PPP2R2B: variants seen among roughly 807,000 people sequenced by gnomAD.
PPP2R2B encodes protein phosphatase 2 regulatory subunit Bbeta.
Under a neutral mutation model 46.0 loss-of-function variants are expected in PPP2R2B, and 5 were observed. The observed-to-expected ratio is 0.11, with a 90% CI of 0.06 to 0.23. The LOEUF is 0.23. Among genes scored for constraint, PPP2R2B ranks in the 10% least tolerant of loss-of-function variants. The pLI is 1.00. For missense variants in PPP2R2B, 367 were observed against 575.0 expected, an observed-to-expected ratio of 0.64 and a Z score of 3.70; for synonymous variants, 215 against 206.7, an observed-to-expected ratio of 1.04 and a Z score of -0.34.
intron 1 of PPP2R2B, among the ~76,000 whole-genome samples, chr5:146,986,797 T>A (rs1018101814): frequency 6.6e-6 from 1 of 152,030 alleles, no homozygotes; most frequent in Admixed American, 6.5e-5. Flanking sequence ...AATGTAAGAG[T>A]CATTGCCCTT....
At chr5:146,655,753 G>A (rs1186209740) in intron 5 of PPP2R2B, among the ~76,000 whole-genome samples, 2 of 152,112 alleles carry the variant, frequency 1.3e-5, no homozygotes, top group East Asian at 1.9e-4. Context: ...CAGCGAGGGC[G>A]ATCACGCTGC....
chr5:146,607,958 T>A (rs1015895834), intron 7 of PPP2R2B: 3 of 152,236 alleles, frequency 2.0e-5, no homozygotes, highest in Admixed American at 2.0e-4. Flanking sequence ...ATATGGACAT[T>A]GAAATTTCAA....
intron 2 of PPP2R2B, among the ~76,000 whole-genome samples, chr5:146,744,939 A>T (rs1374111223): frequency 6.6e-6 from 1 of 152,038 alleles, no homozygotes; most frequent in Non-Finnish European, 1.5e-5. Flanking sequence ...TATCAAACAC[A>T]CCATAGAGAT....
At chr5:146,896,056 G>A (rs1016557618) in intron 1 of PPP2R2B, among the ~76,000 whole-genome samples, 6 of 152,062 alleles carry the variant, frequency 3.9e-5, no homozygotes, top group African/African-American at 9.7e-5. Context: ...GACCTTAAAC[G>A]AAGGCAGAGG....
chr5:146,728,769 G>A (rs376658786), intron 2 of PPP2R2B, among the ~76,000 whole-genome samples: 81 of 152,194 alleles, frequency 5.3e-4, no homozygotes, highest in African/African-American at 1.7e-3. Flanking sequence ...TTGCTTCTTC[G>A]TCATTTTCTC....
intron 2 of PPP2R2B, among the ~76,000 whole-genome samples, chr5:146,744,277 C>A (rs1753046332): frequency 6.6e-6 from 1 of 152,170 alleles, no homozygotes; most frequent in Admixed American, 6.5e-5. Flanking sequence ...TTCAGCCACA[C>A]CCCAGATTTC....
At chr5:147,043,150 C>A (rs2151898027) in intron 1 of PPP2R2B, among the ~76,000 whole-genome samples, 1 of 152,164 alleles carries the variant, frequency 6.6e-6, no homozygotes, top group South Asian at 2.1e-4. Context: ...CTGTTCCTGG[C>A]TGAACTCCTG....
chr5:146,707,524 C>A lies in PPP2R2B; in HGVS notation c.71-6382G>T, dbSNP rs1312282056. ...AGCTGATGCAGACACCAGGCCCACT[C>A]GTGTAGGAGCAGCTGCAGAAGGCCC... On this transcript the variant is annotated intron_variant, in intron 2 of 9. Coordinates refer to ENST00000394411, the MANE Select transcript of PPP2R2B (RefSeq NM_181675.4). The A allele has an allele frequency of 5.5e-6, 4 of 729,764 alleles. No individual in the cohort carries two copies. In the African/African-American group the frequency reaches 6.9e-5, roughly 13 times the overall value. 45.2% of individuals were successfully genotyped at this position (729,764 alleles called of 1,614,324 possible). A position where few individuals can be genotyped will look rare whatever the true frequency, so the allele number is the denominator to read the frequency against.
chr5:146,734,700 C>T (rs962425076), intron 2 of PPP2R2B, among the ~76,000 whole-genome samples: 5 of 152,122 alleles, frequency 3.3e-5, no homozygotes, highest in African/African-American at 1.2e-4. Context: ...AAACTGAGAC[C>T]CTCTGCTGTC....
chr5:146,659,447 C>T (rs1776549075), intron 5 of PPP2R2B, among the ~76,000 whole-genome samples: 1 of 152,152 alleles, frequency 6.6e-6, no homozygotes, highest in Non-Finnish European at 1.5e-5. Context: ...GTGCTAATTA[C>T]CAACCATGTG....
chr5:146,749,628 G>A (rs1476889380), intron 2 of PPP2R2B, among the ~76,000 whole-genome samples: 5 of 102,778 alleles, frequency 4.9e-5, no homozygotes, highest in African/African-American at 1.2e-4. Context: ...TTTTTTTTTC[G>A]AGATGGAGTC....
chr5:146,876,120 G>T (rs759145847), intron 2 of PPP2R2B, among the ~76,000 whole-genome samples: 1 of 152,158 alleles, frequency 6.6e-6, no homozygotes, highest in Non-Finnish European at 1.5e-5. Flanking sequence ...GAAAGAGAAA[G>T]AAATCTGAGA....
At chr5:146,625,316 CTG>C (rs199758783) in intron 7 of PPP2R2B, among the ~76,000 whole-genome samples, 7 of 151,870 alleles carry the variant, frequency 4.6e-5, no homozygotes, top group Non-Finnish European at 8.8e-5. Context: ...TTTTATTATA[CTG>C]TGTGTGTGTG....
At chr5:147,025,698 A>T (rs1024088198) in intron 1 of PPP2R2B, among the ~76,000 whole-genome samples, 5 of 152,104 alleles carry the variant, frequency 3.3e-5, no homozygotes, top group African/African-American at 1.2e-4. Context: ...GATCTAGAAT[A>T]TATAAAGGAC....
intron 5 of PPP2R2B, among the ~76,000 whole-genome samples, chr5:146,674,463 A>AG (rs1777577623): frequency 6.6e-6 from 1 of 152,194 alleles, no homozygotes; most frequent in Non-Finnish European, 1.5e-5. Context: ...ACAAACAATT[A>AG]TTCTGTTTTA....
chr5:146,968,409 G>A (rs1188505749), intron 1 of PPP2R2B, among the ~76,000 whole-genome samples: 1 of 152,142 alleles, frequency 6.6e-6, no homozygotes, highest in Non-Finnish European at 1.5e-5. Context: ...ACATCAAAGT[G>A]GGTTAGATAC....
intron 1 of PPP2R2B, among the ~76,000 whole-genome samples, chr5:146,933,502 G>C (rs1246765255): frequency 6.6e-6 from 1 of 151,814 alleles, no homozygotes; most frequent in Non-Finnish European, 1.5e-5. Context: ...AAAAACAAGA[G>C]AAAAAAATAA....
At chr5:147,011,590 C>T (rs530487004) in intron 1 of PPP2R2B, among the ~76,000 whole-genome samples, 1 of 151,516 alleles carries the variant, frequency 6.6e-6, no homozygotes, top group South Asian at 2.1e-4. Flanking sequence ...GCCTGATTGC[C>T]CTGGCCAGAA....
intron 1 of PPP2R2B, among the ~76,000 whole-genome samples, chr5:147,002,530 G>C (rs932325059): frequency 6.6e-6 from 1 of 151,636 alleles, no homozygotes; most frequent in Non-Finnish European, 1.5e-5. Flanking sequence ...TTTTGAGAAT[G>C]TGTCAGTAAG....
Sources: allele counts gnomAD v4.1 joint callset (sites outside exome capture counted in the v4.1 genomes callset), GRCh38; gene constraint gnomAD v4.1.1; transcripts MANE v1.5; gene names NCBI Gene and HGNC (gene_info 2026-07-23, HGNC 2026-07-21).